The following PCSK7 variants were observed in gnomAD, a reference collection of about 807,000 sequenced individuals.
PCSK7 encodes proprotein convertase subtilisin/kexin type 7, also known as lymphoma proprotein convertase.
PCSK7 carries 38 observed loss-of-function variants against 73.3 expected under a neutral mutation model. The ratio of observed to expected loss-of-function variants is 0.52; its 90% CI spans 0.40 to 0.68. PCSK7 has a LOEUF of 0.68. Among genes scored for constraint, PCSK7 ranks in the 30% least tolerant of loss-of-function variants. PCSK7 has a pLI of 0.00. For synonymous variants in PCSK7, 296 were observed against 383.8 expected (o/e 0.77, Z 2.68); for missense variants, 692 against 991.5 (o/e 0.70, Z 4.06).
chr11:117,223,865 G>A (rs900896073), intron 8 of PCSK7: 18 of 562,202 alleles, frequency 3.2e-5, no homozygotes, highest in Non-Finnish European at 4.8e-5. Context: ...GAGGCAGCTC[G>A]GTGATCTCCA....
Position 117,218,738 on chromosome 11 carries a change from G to GCTC in PCSK7, c.1432-173_1432-171dup. ...TCAGCTCCTGCTTGCTCGCTGGAATGCTCCGTACAGCCCCCAGCTAAGGAA... is the reference window on the plus strand; with the variant it reads ...TCAGCTCCTGCTTGCTCGCTGGAATGCTCCTCCGTACAGCCCCCAGCTAAGGAA... On this transcript the variant is annotated intron_variant, in intron 11 of 16. Coordinates refer to ENST00000320934, the MANE Select transcript of PCSK7 (RefSeq NM_004716.4). This position sits in a 1 kb window ranked among gnomAD's most constrained non-coding sequence, Gnocchi z 4.0. 1.7e-6 allele frequency: 1 copy of GCTC among 577,866 alleles called. No individual in the cohort carries two copies. The highest frequency in any genetic ancestry group is 3.1e-6 in the Non-Finnish European group (1 of 324,458). The allele number at this position is 577,866 out of a possible 1,614,324, so 35.8% of individuals were successfully genotyped here.
At chr11:117,228,009 G>C (rs536227069) in intron 4 of PCSK7, among the ~76,000 whole-genome samples, 128 of 152,328 alleles carry the variant, frequency 8.4e-4, no homozygotes, top group African/African-American at 3.0e-3. Context: ...AAAAGGACTA[G>C]AACTGAGAGC....
Position 117,206,252 on chromosome 11 carries a change from A to G in PCSK7, c.2103T>C (p.Ser701=), listed in dbSNP as rs770425002. The G allele has an allele frequency of 6.8e-6, 11 of 1,613,940 alleles. No homozygotes were observed. The highest frequency in any genetic ancestry group is 9.3e-6 in the Non-Finnish European group (11 of 1,179,988). ...RNVASNQVCR[S]GPCHWPHRSR... ...TCCGATGGGGCCAGTGGCAGGGTCC[A>G]CTCCTACAAACTTGATTGGAAGCCA... Residue 701 remains serine, a synonymous_variant, in exon 17 of 17, where the codon AGT becomes AGC. Coordinates refer to ENST00000320934, the MANE Select transcript of PCSK7 (RefSeq NM_004716.4).
chr11:117,215,364 T>TTTTTTTTTTGTGTGTGTGTG (rs57433360), intron 12 of PCSK7: 1 of 84,902 alleles, frequency 1.2e-5, no homozygotes. Flanking sequence ...CCTGGCTAAT[T>TTTTTTTTTTGTGTGTGTGTG]TGTGTGTGTG....
rs1489299172 is a variant in PCSK7, at chr11:117,205,881, T to C, written c.*116A>G. 10 of 603,954 alleles carry C rather than the reference T, an allele frequency of 1.7e-5. No individual in the cohort carries two copies. The highest frequency in any genetic ancestry group is 2.8e-6 in the Non-Finnish European group (1 of 356,646). The allele number at this position is 603,954 out of a possible 1,614,324, so 37.4% of individuals were successfully genotyped here. ...TATCTTAAGAAGGCCCTCACCCTCT[T>C]TGAGTGGAGTCAGAGGATGCCTCAG... On this transcript the variant is annotated 3_prime_UTR_variant, in exon 17 of 17. Transcript: ENST00000320934.
rs1421893379 is a variant in PCSK7 at position 117,224,164 on chromosome 11, A to C, written c.968T>G (p.Phe323Cys). ...IAGRQGFGSIFVVASGNGGQH... is the reference protein window; with the variant it reads ...IAGRQGFGSICVVASGNGGQH... Reference sequence around the variant, plus strand: ...GCCTCCGTTGCCACTGGCTACCACAAAGATGCTCCCAAAGCCCTGGCGACC... The same window carrying C: ...GCCTCCGTTGCCACTGGCTACCACACAGATGCTCCCAAAGCCCTGGCGACC... Residue 323 changes from phenylalanine to cysteine, a missense_variant, in exon 8 of 17, where the codon TTT (phenylalanine) becomes TGT (cysteine). By Grantham distance (205) the Phe-to-Cys change is radical. Transcript: ENST00000320934. The C allele has an allele frequency of 6.2e-7, 1 of 1,614,068 alleles. No individual in the cohort carries two copies. The highest frequency in any genetic ancestry group is 8.5e-7 in the Non-Finnish European group (1 of 1,180,022).
intron 4 of PCSK7, 74 bp downstream of exon 4, chr11:117,228,140 AGG>A (rs901186937): frequency 6.9e-7 from 1 of 1,442,214 alleles, no homozygotes; most frequent in African/African-American, 1.4e-5. Context: ...CCTCTAGAAA[AGG>A]GGACAAGACT....
At chr11:117,223,681 G>A (rs2032296366) in intron 8 of PCSK7, 2 of 348,348 alleles carry the variant, frequency 5.7e-6, no homozygotes, top group South Asian at 4.3e-5. Context: ...CTAGTCTCGA[G>A]GAGCCTAGAG....
rs769308377 is a variant in PCSK7 at position 117,224,690 on chromosome 11, A to G, written c.915+11T>C. The stretch of plus-strand genomic sequence containing the variant: ...ATCCCGTTTCTCAGAGTCTTTGTGC[A>G]GGCCAGTTACCTTTCCAAGCTGATG... On this transcript the variant is annotated intron_variant, in intron 7 of 16. Transcript: ENST00000320934. The G allele has an allele frequency of 2.5e-6, 4 of 1,607,986 alleles. No individual in the cohort carries two copies. The highest frequency in any genetic ancestry group is 3.4e-6 in the Non-Finnish European group (4 of 1,174,410).
chr11:117,219,260 G>A, intron 10 of PCSK7, 96 bp from the exon 11 acceptor site: 1 of 871,786 alleles, frequency 1.1e-6, no homozygotes, highest in East Asian at 2.7e-5. Context: ...GGCTGATCCA[G>A]TCCACGCTCT....
At chr11:117,219,535 AC>A in intron 10 of PCSK7, 55 bp downstream of exon 10, 2 of 1,534,304 alleles carry the variant, frequency 1.3e-6, no homozygotes, top group Admixed American at 3.9e-5. Flanking sequence ...GCCACCTGAT[AC>A]CCGAACTCTG....
In PCSK7 at chr11:117,229,970, C is replaced by A. The variant is rs192230902; in HGVS notation, c.-12-114G>T. 1.7e-3 allele frequency: 1,042 copies of A among 629,896 alleles called. 2 individuals are homozygous for A. Among genetic ancestry groups the A allele is most frequent in the Admixed American group, 3.0e-3 (96 of 31,884 alleles). The allele number at this position is 629,896 out of a possible 1,614,324, so 39.0% of individuals were successfully genotyped here. On this transcript the variant is annotated intron_variant, in intron 2 of 16. Transcript: ENST00000320934. ...CCCCCTGGAAGTCCCTAAGCCATGC[C>A]TTTTAAATTGTGAAACATTTGATCT...
In PCSK7 at chr11:117,205,871, C is replaced by T; in HGVS notation, c.*126G>A. 2 of 633,816 alleles carry T rather than the reference C, an allele frequency of 3.2e-6. No individual in the cohort carries two copies. 39.3% of individuals were successfully genotyped at this position (633,816 alleles called of 1,614,324 possible). ...CCACCATTTGTATCTTAAGAAGGCC[C>T]TCACCCTCTTTGAGTGGAGTCAGAG... On this transcript the variant is annotated 3_prime_UTR_variant, in exon 17 of 17. Coordinates refer to ENST00000320934, the MANE Select transcript of PCSK7 (RefSeq NM_004716.4).
rs112534617 is a variant in PCSK7, at chr11:117,228,256, T to A, written c.563A>T (p.Asp188Val). 1.2e-6 allele frequency: 2 copies of A among 1,613,596 alleles called. No individual in the cohort carries two copies. The highest frequency in any genetic ancestry group is 1.7e-6 in the Non-Finnish European group (2 of 1,179,768). The change falls in exon 4 of 17, where the codon GAC becomes GTC. Residue 188 changes from aspartate (D) to valine (V), a missense_variant. Coordinates refer to ENST00000320934, the MANE Select transcript of PCSK7 (RefSeq NM_004716.4). ...GRGVTVVVVD[D>V]GVEHTIQDIA... The stretch of plus-strand genomic sequence containing the variant: ...GTCCTGGATGGTGTGTTCCACTCCG[T>A]CATCCACTACCACCACCGTCACCCC...
At chr11:117,208,567 CT>C (rs1230693038) in intron 13 of PCSK7, 1 of 294,496 alleles carries the variant, frequency 3.4e-6, no homozygotes, top group Non-Finnish European at 5.8e-6. Context: ...CCAGGCTGGT[CT>C]TGAACTCCTG....
chr11:117,217,095 G>A (rs1256888605), intron 12 of PCSK7: 2 of 152,056 alleles, frequency 1.3e-5, no homozygotes, highest in Non-Finnish European at 2.9e-5. Flanking sequence ...TTCTCCACTA[G>A]GCCACCTCCC....
rs557281784 is a variant in PCSK7 at position 117,229,634 on chromosome 11, C to G, written c.211G>C (p.Glu71Gln). ...LEGDGEEETL[E>Q]QQADALAQAA... ...TGGGCCAAGGCATCCGCCTGCTGCT[C>G]CAGAGTCTCTTCCTCCCCGTCACCT... Residue 71 changes from glutamate to glutamine, a missense_variant, in exon 3 of 17, where the codon GAG (glutamate) becomes CAG (glutamine). Coordinates refer to ENST00000320934, the MANE Select transcript of PCSK7 (RefSeq NM_004716.4). The G allele has an allele frequency of 6.2e-7, 1 of 1,614,046 alleles. No individual in the cohort carries two copies. Among genetic ancestry groups the G allele is most frequent in the Non-Finnish European group, 8.5e-7 (1 of 1,179,892 alleles).
chr11:117,227,899 G>A (rs1190085316), intron 4 of PCSK7, among the ~76,000 whole-genome samples: 1 of 152,200 alleles, frequency 6.6e-6, no homozygotes, highest in Non-Finnish European at 1.5e-5. Context: ...TGGAAAAAAG[G>A]CAGGTAGGGC....
chr11:117,217,409 C>T (rs1414859736), intron 12 of PCSK7: 2 of 152,220 alleles, frequency 1.3e-5, no homozygotes, highest in African/African-American at 4.8e-5. Context: ...TGTTTCTGAA[C>T]TTCTCTGACT....
Sources: gnomAD v4.1 joint callset for allele counts (sites outside exome capture counted in the v4.1 genomes callset) on GRCh38, gnomAD v4.1.1 for gene constraint, Gnocchi (gnomAD v3.1) non-coding constraint, MANE v1.5 for transcripts, NCBI Gene and HGNC (gene_info 2026-07-23, HGNC 2026-07-21) for gene names.